The following LYAR variants were observed in gnomAD, a reference collection of about 807,000 sequenced individuals.
LYAR encodes Ly1 antibody reactive, also known as cell growth-regulating nucleolar protein.
A neutral mutation model predicts 45.2 loss-of-function variants in LYAR; 37 were observed. The ratio of observed to expected loss-of-function variants is 0.82; its 90% CI spans 0.63 to 1.08. The LOEUF is 1.08. Ranked by LOEUF, LYAR falls within the 50% of genes least tolerant of loss-of-function variation. The probability of loss-of-function intolerance (pLI) is 0.00; values close to 1 mark genes in which losing one functional copy is unlikely to be tolerated. For missense variants in LYAR, 493 were observed against 451.0 expected, an observed-to-expected ratio of 1.09 and a Z score of -0.84; for synonymous variants, 176 against 155.1, an observed-to-expected ratio of 1.14 and a Z score of -1.00.
At chr4:4,285,609 G>A (rs1414178267) in intron 2 of LYAR, among the ~76,000 whole-genome samples, 1 of 152,222 alleles carries the variant, frequency 6.6e-6, no homozygotes, top group African/African-American at 2.4e-5. Flanking sequence ...CAAGGTGAAA[G>A]CAGCCGTGAT....
At chr4:4,280,607 G>A (rs575382621) in intron 4 of LYAR, among the ~76,000 whole-genome samples, 3 of 151,120 alleles carry the variant, frequency 2.0e-5, no homozygotes, top group Middle Eastern at 6.8e-3. Context: ...CAGCAGAGAC[G>A]GAACTCACAG....
At chr4:4,285,112 T>C (rs775578646) in intron 2 of LYAR, among the ~76,000 whole-genome samples, 2 of 152,216 alleles carry the variant, frequency 1.3e-5, no homozygotes, top group African/African-American at 2.4e-5. Flanking sequence ...TGGAGGCCTC[T>C]TGCCCTGTGG....
Position 4,279,546 on chromosome 4 carries a change from A to G in LYAR, c.346-16T>C. On this transcript the variant is annotated splice_polypyrimidine_tract_variant and intron_variant, in intron 5 of 9. Coordinates refer to ENST00000343470, the MANE Select transcript of LYAR (RefSeq NM_017816.3). The stretch of plus-strand genomic sequence containing the variant: ...TCATCCAATTCTGTAAGAAAGAAAA[A>G]GAAAAAGAACTATTGATCCCACTTG... 6.3e-7 allele frequency: 1 copy of G among 1,597,656 alleles called. No individual in the cohort carries two copies.
intron 6 of LYAR, among the ~76,000 whole-genome samples, chr4:4,275,500 A>G (rs1014472008): frequency 1.3e-5 from 2 of 150,224 alleles, no homozygotes; most frequent in Non-Finnish European, 2.9e-5. Flanking sequence ...GCTGAAATGT[A>G]GTGGCACAAT....
chr4:4,270,435 G>A (rs1718888462), intron 8 of LYAR, among the ~76,000 whole-genome samples: 1 of 147,988 alleles, frequency 6.8e-6, no homozygotes, highest in Non-Finnish European at 1.5e-5. Context: ...CTGTTATGAT[G>A]AAAAAACAAG....
intron 5 of LYAR, 46 bp downstream of exon 5, chr4:4,279,596 C>G: frequency 6.4e-7 from 1 of 1,569,514 alleles, no homozygotes; most frequent in Non-Finnish European, 8.8e-7. Flanking sequence ...AGCTCAGTCA[C>G]TGATGGGCCA....
chr4:4,287,369 A>T (rs1719658386), intron 1 of LYAR, among the ~76,000 whole-genome samples: 1 of 152,126 alleles, frequency 6.6e-6, no homozygotes. Context: ...ATCCACCCAG[A>T]TACACCTGGG....
At position 4,274,720 on chromosome 4, in the gene LYAR, T is replaced by C; in HGVS notation, c.479A>G (p.Asn160Ser). The change falls in exon 7 of 10, where the codon AAT becomes AGT. Residue 160 changes from asparagine to serine, a missense_variant. Coordinates refer to ENST00000343470, the MANE Select transcript of LYAR (RefSeq NM_017816.3). Reference protein sequence around the residue: ...QDQRPLHPVANPHAEISTKVP... With the variant: ...QDQRPLHPVASPHAEISTKVP... ...CTTGGTGGAGATTTCTGCATGTGGA[T>C]TTGCCACTGGGTGGAGTGGCCGTTG... is the stretch of plus-strand genomic sequence containing the variant. The C allele has an allele frequency of 6.2e-7, 1 of 1,613,216 alleles. No individual in the cohort carries two copies. The highest frequency in any genetic ancestry group is 8.5e-7 in the Non-Finnish European group (1 of 1,179,840).
rs976817753 is a variant in LYAR at position 4,274,920 on chromosome 4, G to A, written c.430-151C>T. On this transcript the variant is annotated intron_variant, in intron 6 of 9. Coordinates refer to ENST00000343470, the MANE Select transcript of LYAR (RefSeq NM_017816.3). ...TTTATAACTGTGACCCCCACCAACA[G>A]CTAAAATGTAGCAGTAAATATACAA... The A allele has an allele frequency of 1.6e-5, 11 of 680,508 alleles. No individual in the cohort carries two copies. In the Admixed American group the frequency reaches 1.6e-4, roughly 10 times the overall value. 42.2% of individuals were successfully genotyped at this position (680,508 alleles called of 1,614,324 possible). A position where few individuals can be genotyped will look rare whatever the true frequency, so the allele number is the denominator to read the frequency against.
chr4:4,274,860 G>T, intron 6 of LYAR, 91 bp from the exon 7 acceptor site: 4 of 1,283,074 alleles, frequency 3.1e-6, no homozygotes, highest in African/African-American at 1.5e-5. Context: ...TACATAAACT[G>T]TTCAAGAAAA....
intron 2 of LYAR, among the ~76,000 whole-genome samples, chr4:4,286,255 AC>A (rs1344909299): frequency 6.6e-6 from 1 of 152,130 alleles, no homozygotes; most frequent in Non-Finnish European, 1.5e-5. Context: ...TACACCTCAA[AC>A]CCAACCTAGC....
rs1718777300 is a variant in LYAR at position 4,267,897 on chromosome 4, CA to C, written c.1131del (p.Val378Ter). On this transcript the variant is annotated frameshift_variant, in exon 10 of 10. Transcript: ENST00000343470. LOFTEE classifies it high-confidence loss of function. Reference protein sequence around the residue: ...TFKLLKDKVKLVK With the variant: ...TFKLLKDKVKXVK Reference sequence around the variant, plus strand: ...TTTAAATACACAAATGTTCATTTCACAAGCTTGACTTTGTCCTTTAATAACT... The same window carrying C: ...TTTAAATACACAAATGTTCATTTCACAGCTTGACTTTGTCCTTTAATAACT... 6.2e-7 allele frequency: 1 copy of C among 1,609,180 alleles called. No individual in the cohort carries two copies. The highest frequency in any genetic ancestry group is 8.5e-7 in the Non-Finnish European group (1 of 1,178,446).
chr4:4,279,419 T>C, intron 6 of LYAR, 28 bp downstream of exon 6: 1 of 1,467,920 alleles, frequency 6.8e-7, no homozygotes, highest in Non-Finnish European at 9.4e-7. Flanking sequence ...TTTGCCACAA[T>C]GCAAATCTAA....
In LYAR at chr4:4,274,715, G is replaced by T. The variant is rs748095414; in HGVS notation, c.484C>A (p.His162Asn). ...GGAACCTTGGTGGAGATTTCTGCAT[G>T]TGGATTTGCCACTGGGTGGAGTGGC... ...QRPLHPVANPHAEISTKVPAS... is the reference protein window; with the variant it reads ...QRPLHPVANPNAEISTKVPAS... The change falls in exon 7 of 10, where the codon CAT (histidine) becomes AAT (asparagine). Residue 162 changes from histidine to asparagine, a missense_variant. Transcript: ENST00000343470. 6.2e-7 allele frequency: 1 copy of T among 1,613,456 alleles called. No individual in the cohort carries two copies. The highest frequency in any genetic ancestry group is 1.1e-5 in the South Asian group (1 of 90,808).
intron 8 of LYAR, 28 bp from the exon 9 acceptor site, chr4:4,268,643 C>T: frequency 6.9e-7 from 1 of 1,456,184 alleles, no homozygotes; most frequent in Non-Finnish European, 9.5e-7. Flanking sequence ...ATATTTAAGA[C>T]ATTTCGTTTT....
At chr4:4,269,820 A>T (rs1048436819) in intron 8 of LYAR, among the ~76,000 whole-genome samples, 1 of 152,248 alleles carries the variant, frequency 6.6e-6, no homozygotes, top group Non-Finnish European at 1.5e-5. Context: ...CTGTGAGGAT[A>T]TATCTTAAGT....
rs200117102 is a variant in LYAR, at chr4:4,279,446, C to T, written c.429+1G>A. The T allele has an allele frequency of 2.4e-5, 38 of 1,597,434 alleles. No homozygotes were observed. Among genetic ancestry groups the T allele is most frequent in the East Asian group, 4.5e-5 (2 of 44,798 alleles). On this transcript the variant is annotated splice_donor_variant, in intron 6 of 9. Coordinates refer to ENST00000343470, the MANE Select transcript of LYAR (RefSeq NM_017816.3). LOFTEE classifies it high-confidence loss of function. The stretch of plus-strand genomic sequence containing the variant: ...CAAATCTAAAATCAGATCTGACTTA[C>T]GCTGTTGGAAGCTTCAGAAAAGATA...
intron 2 of LYAR, among the ~76,000 whole-genome samples, chr4:4,285,814 T>C (rs2108852335): frequency 1.3e-5 from 2 of 152,310 alleles, no homozygotes; most frequent in Middle Eastern, 3.4e-3. Flanking sequence ...GAGAGATTCC[T>C]GTCCCAGCAG....
chr4:4,269,749 G>C (rs1718860279), intron 8 of LYAR, among the ~76,000 whole-genome samples: 1 of 152,078 alleles, frequency 6.6e-6, no homozygotes, highest in Non-Finnish European at 1.5e-5. Flanking sequence ...ACTCAAAATG[G>C]ATCATGGACT....
Sources: gnomAD v4.1 joint callset for allele counts (sites outside exome capture counted in the v4.1 genomes callset) on GRCh38, gnomAD v4.1.1 for gene constraint, MANE v1.5 for transcripts, NCBI Gene and HGNC (gene_info 2026-07-23, HGNC 2026-07-21) for gene names.